NTRK3: variants seen among roughly 807,000 people sequenced by gnomAD.
NTRK3 encodes NT-3 growth factor receptor.
A neutral mutation model predicts 91.7 loss-of-function variants in NTRK3; 24 were observed. The ratio of observed to expected loss-of-function variants is 0.26; its 90% CI spans 0.19 to 0.37. The LOEUF is 0.37. Ranked by LOEUF, NTRK3 falls within the 10% of genes least tolerant of loss-of-function variation. The probability of loss-of-function intolerance (pLI) is 1.00; values close to 1 mark genes in which losing one functional copy is unlikely to be tolerated. For missense variants in NTRK3, 880 were observed against 1,068.9 expected, an observed-to-expected ratio of 0.82 and a Z score of 2.46; for synonymous variants, 483 against 404.0, an observed-to-expected ratio of 1.20 and a Z score of -2.34.
intron 17 of NTRK3, among the ~76,000 whole-genome samples, chr15:87,913,009 G>T (rs1329797902): frequency 7.4e-6 from 1 of 135,130 alleles, no homozygotes; most frequent in African/African-American, 2.6e-5. Flanking sequence ...ATAAAAGTTG[G>T]CTCAGAGATG....
intron 14 of NTRK3, among the ~76,000 whole-genome samples, chr15:87,968,324 T>C (rs1177234510): frequency 6.6e-6 from 1 of 152,166 alleles, no homozygotes; most frequent in African/African-American, 2.4e-5. Context: ...ACCAAAAACT[T>C]TGAGAACCAC....
chr15:87,979,880 G>A (rs1436047431), intron 14 of NTRK3, among the ~76,000 whole-genome samples: 1 of 152,132 alleles, frequency 6.6e-6, no homozygotes, highest in Non-Finnish European at 1.5e-5. Context: ...GGAGGAGAAG[G>A]CTATGCTTTC....
intron 17 of NTRK3, among the ~76,000 whole-genome samples, chr15:87,904,311 C>T (rs1174165634): frequency 2.0e-5 from 3 of 152,026 alleles, no homozygotes; most frequent in Admixed American, 6.6e-5. Context: ...CCACCACGCC[C>T]GGCTAATTTT....
At chr15:88,223,109 T>C (rs2050376311) in intron 3 of NTRK3, among the ~76,000 whole-genome samples, 2 of 152,044 alleles carry the variant, frequency 1.3e-5, no homozygotes, top group Admixed American at 1.3e-4. Flanking sequence ...AGCTGCGGGC[T>C]CGGGAGGCGG....
At chr15:87,971,804 G>T (rs1160089083) in intron 14 of NTRK3, among the ~76,000 whole-genome samples, 1 of 152,154 alleles carries the variant, frequency 6.6e-6, no homozygotes, top group Non-Finnish European at 1.5e-5. Context: ...ATCCCTAGAA[G>T]AGCACATGTG....
chr15:87,893,181 C>T (rs2065933761), intron 17 of NTRK3, among the ~76,000 whole-genome samples: 1 of 152,142 alleles, frequency 6.6e-6, no homozygotes, highest in South Asian at 2.1e-4. Flanking sequence ...TTGTCTTTCC[C>T]CAAGGCTGTA....
intron 13 of NTRK3, among the ~76,000 whole-genome samples, chr15:88,087,974 C>T (rs2048660762): frequency 6.6e-6 from 1 of 152,126 alleles, no homozygotes; most frequent in Non-Finnish European, 1.5e-5. Context: ...TTGCTTGAAC[C>T]CAGGAGGTAG....
At chr15:88,115,295 C>T (rs4887363) in intron 13 of NTRK3, among the ~76,000 whole-genome samples, 6 of 152,094 alleles carry the variant, frequency 3.9e-5, no homozygotes, top group Non-Finnish European at 7.4e-5. Flanking sequence ...CACAAAGCAG[C>T]GGGCTGGTGC....
exon 10 of NTRK3, chr15:88,135,159 G>A: frequency 6.2e-7 from 1 of 1,614,254 alleles, no homozygotes; most frequent in South Asian, 1.1e-5. Context: ...TGCCCAGTGG[G>A]TTTTTGGCAA....
chr15:87,993,572 C>A (rs572124730), intron 14 of NTRK3, among the ~76,000 whole-genome samples: 1 of 152,302 alleles, frequency 6.6e-6, no homozygotes, highest in East Asian at 1.9e-4. Flanking sequence ...CACAGAGACA[C>A]ACACACAAAA....
At chr15:88,077,523 C>T (rs2047656880) in intron 13 of NTRK3, among the ~76,000 whole-genome samples, 1 of 152,094 alleles carries the variant, frequency 6.6e-6, no homozygotes, top group African/African-American at 2.4e-5. Flanking sequence ...AGAAACCCGG[C>T]ACTTTGGAGA....
intron 14 of NTRK3, among the ~76,000 whole-genome samples, chr15:88,023,194 A>AT (rs1476877628): frequency 6.6e-6 from 1 of 152,170 alleles, no homozygotes; most frequent in East Asian, 1.9e-4. Flanking sequence ...GCTTGTATGT[A>AT]TACTAAAGTT....
chr15:88,108,315 T>C (rs1488305874), intron 13 of NTRK3, among the ~76,000 whole-genome samples: 1 of 152,230 alleles, frequency 6.6e-6, no homozygotes, highest in African/African-American at 2.4e-5. Flanking sequence ...TGTCACTACC[T>C]GCCCGGAGTT....
At chr15:87,973,910 C>T (rs1375627369) in intron 14 of NTRK3, among the ~76,000 whole-genome samples, 1 of 152,162 alleles carries the variant, frequency 6.6e-6, no homozygotes, top group Non-Finnish European at 1.5e-5. Flanking sequence ...GCGAGTCTAG[C>T]CAGAGCACAG....
At chr15:87,901,876 A>G (rs1287578105) in intron 17 of NTRK3, among the ~76,000 whole-genome samples, 1 of 152,178 alleles carries the variant, frequency 6.6e-6, no homozygotes, top group Non-Finnish European at 1.5e-5. Flanking sequence ...TACCCAAATT[A>G]TTCTGATTCC....
intron 3 of NTRK3, among the ~76,000 whole-genome samples, chr15:88,236,587 A>G (rs1198780843): frequency 6.6e-6 from 1 of 150,544 alleles, no homozygotes; most frequent in Non-Finnish European, 1.5e-5. Flanking sequence ...GAGCTAAGCT[A>G]TGAAGTTGCA....
chr15:88,069,930 G>A (rs569738401), intron 13 of NTRK3, among the ~76,000 whole-genome samples: 1 of 152,308 alleles, frequency 6.6e-6, no homozygotes, highest in South Asian at 2.1e-4. Context: ...GGTCGCTGTT[G>A]AGAGTCTAGG....
At chr15:87,998,203 C>G (rs545174390) in intron 14 of NTRK3, among the ~76,000 whole-genome samples, 102 of 152,198 alleles carry the variant, frequency 6.7e-4, no homozygotes, top group Non-Finnish European at 1.3e-3. Context: ...GGGACAGAAT[C>G]ACCCTGGTTG....
rs1310150540 is a variant in NTRK3 at position 87,884,731 on chromosome 15, A to G, written c.2134-4303T>C. Among the ~76,000 whole-genome samples, 15 of 151,824 alleles carry G rather than the reference A, an allele frequency of 9.9e-5. No homozygotes were observed. In the South Asian group the frequency reaches 3.1e-3, roughly 31 times the overall value. ...CTACTGTTAAATTTACTAAATTAAA[A>G]GATAAAAGAAGAAAAACCATATTTT... On this transcript the variant is annotated intron_variant, in intron 17 of 18. Transcript: ENST00000394480.
Sources: allele counts gnomAD v4.1 joint callset (sites outside exome capture counted in the v4.1 genomes callset), GRCh38; gene constraint gnomAD v4.1.1; transcripts MANE v1.5; gene names NCBI Gene and HGNC (gene_info 2026-07-23, HGNC 2026-07-21).